Variants in DYNAP observed in about 807,000 individuals in gnomAD.
DYNAP encodes dynactin-associated protein.
A neutral mutation model predicts 8.5 loss-of-function variants in DYNAP; 7 were observed. The observed-to-expected ratio is 0.82, with a 90% confidence interval of 0.47 to 1.54. The LOEUF (loss-of-function observed/expected upper bound fraction) is 1.54. Ranked by LOEUF, DYNAP falls within the 40% of genes most tolerant of loss-of-function variation. The pLI, the probability that DYNAP is intolerant of heterozygous loss-of-function variation, is 0.01. For missense variants in DYNAP, 256 were observed against 224.3 expected (o/e 1.14, Z -0.90); for synonymous variants, 77 against 77.9 (o/e 0.99, Z 0.06).
At chr18:54,588,346 C>T (rs142549277), upstream of DYNAP, among the ~76,000 whole-genome samples, 259 of 151,996 alleles carry the variant, frequency 1.7e-3, 3 homozygotes, top group African/African-American at 5.5e-3. Flanking sequence ...GCTGAGATTA[C>T]AGGCATCCGT....
the DYNAP span, among the ~76,000 whole-genome samples, chr18:54,579,870 G>A: frequency 3.9e-5 from 6 of 152,134 alleles, no homozygotes; most frequent in South Asian, 1.2e-3. Flanking sequence ...CCTTTTCTTG[G>A]GTTAGTAGTA....
intron 1 of DYNAP, 141 bp from the exon 2 acceptor site, chr18:54,594,798 T>A: frequency 1.1e-6 from 1 of 905,832 alleles, no homozygotes; most frequent in Non-Finnish European, 1.6e-6. Context: ...TGTCTAGATT[T>A]TTTTATCTTC....
chr18:54,585,830 G>T (rs887467006), upstream of DYNAP, among the ~76,000 whole-genome samples: 3 of 152,032 alleles, frequency 2.0e-5, no homozygotes, highest in Non-Finnish European at 2.9e-5. Flanking sequence ...GTGAGCTCTC[G>T]TCTTTTACCA....
At chr18:54,597,332 A>T (rs1911336984) in intron 2 of DYNAP, among the ~76,000 whole-genome samples, 1 of 152,100 alleles carries the variant, frequency 6.6e-6, no homozygotes, top group Admixed American at 6.6e-5. Flanking sequence ...ATGTCATCAT[A>T]TAGTTGTCCA....
At chr18:54,578,882 C>T in the DYNAP span, among the ~76,000 whole-genome samples, 2 of 152,038 alleles carry the variant, frequency 1.3e-5, no homozygotes, top group African/African-American at 2.4e-5. Flanking sequence ...TCACTGCAAC[C>T]TCCGCCTCCT....
the DYNAP span, among the ~76,000 whole-genome samples, chr18:54,582,472 C>T: frequency 1.3e-5 from 2 of 152,156 alleles, no homozygotes; most frequent in Non-Finnish European, 2.9e-5. Context: ...AACTTTCCCC[C>T]AGACTTACAC....
chr18:54,587,233 G>A (rs962184303), upstream of DYNAP, among the ~76,000 whole-genome samples: 3 of 152,118 alleles, frequency 2.0e-5, no homozygotes, highest in Non-Finnish European at 4.4e-5. Flanking sequence ...AATAAGGAGG[G>A]ACGTAACTGT....
upstream of DYNAP, chr18:54,587,959 A>G (rs578177517): frequency 7.3e-5 from 29 of 398,662 alleles, no homozygotes; most frequent in African/African-American, 5.3e-4. Context: ...TTTATCATTT[A>G]TATTTATCAT....
intron 2 of DYNAP, among the ~76,000 whole-genome samples, chr18:54,595,382 G>A (rs1345053368): frequency 6.6e-6 from 1 of 152,112 alleles, no homozygotes; most frequent in Non-Finnish European, 1.5e-5. Flanking sequence ...AGGAATAAGT[G>A]TAAGGTGCAA....
At chr18:54,583,040 T>G (rs1910770744), upstream of DYNAP, among the ~76,000 whole-genome samples, 1 of 152,186 alleles carries the variant, frequency 6.6e-6, no homozygotes, top group African/African-American at 2.4e-5. Flanking sequence ...AGATATACAG[T>G]CTTCATCTTT....
At position 54,591,267 on chromosome 18, in the gene DYNAP, T is replaced by C. The variant is rs1911062195; in HGVS notation, c.-16T>C. 6.2e-7 allele frequency: 1 copy of C among 1,612,970 alleles called. No homozygotes were observed. The highest frequency in any genetic ancestry group is 8.5e-7 in the Non-Finnish European group (1 of 1,179,290). On this transcript the variant is annotated 5_prime_UTR_variant, in exon 1 of 3. Coordinates refer to ENST00000648945, the MANE Select transcript of DYNAP (RefSeq NM_173629.3). ...AATATTCTTGGAGAGAAGCTTGTGA[T>C]ACTGGCAGCTCAAGAATGGACAGAA...
At chr18:54,588,120 T>C (rs769731724), upstream of DYNAP, among the ~76,000 whole-genome samples, 8 of 152,196 alleles carry the variant, frequency 5.3e-5, no homozygotes, top group Non-Finnish European at 1.0e-4. Flanking sequence ...AGCAGAGGTC[T>C]TGTCTGTCTT....
chr18:54,594,331 T>C (rs1911198613), intron 1 of DYNAP, among the ~76,000 whole-genome samples: 1 of 152,096 alleles, frequency 6.6e-6, no homozygotes, highest in Non-Finnish European at 1.5e-5. Context: ...GGATAGAGCA[T>C]GGTATGAATT....
At chr18:54,588,630 TG>T (rs1276017620), upstream of DYNAP, among the ~76,000 whole-genome samples, 1 of 152,220 alleles carries the variant, frequency 6.6e-6, no homozygotes, top group Non-Finnish European at 1.5e-5. Flanking sequence ...GTTTTCCTCC[TG>T]AAGTTTCTAT....
upstream of DYNAP, among the ~76,000 whole-genome samples, chr18:54,583,880 A>C (rs1185767876): frequency 6.6e-6 from 1 of 152,182 alleles, no homozygotes; most frequent in Non-Finnish European, 1.5e-5. Flanking sequence ...AATAGCTTGG[A>C]ATACAGATAA....
At chr18:54,576,692 A>C in the DYNAP span, among the ~76,000 whole-genome samples, 1 of 151,782 alleles carries the variant, frequency 6.6e-6, no homozygotes, top group South Asian at 2.1e-4. Context: ...GGTGTCAGCT[A>C]TTCGGGAGGC....
rs1331210288 is a variant in DYNAP at position 54,597,926 on chromosome 18, C to A, written c.336C>A (p.Asn112Lys). The change falls in exon 3 of 3, where the codon AAC (asparagine) becomes AAA (lysine). Residue 112 changes from asparagine to lysine, a missense_variant. Physicochemically the swap from Asn to Lys is moderately conservative, Grantham distance 94 (BLOSUM62 0). Coordinates refer to ENST00000648945, the MANE Select transcript of DYNAP (RefSeq NM_173629.3). ...TACTTATAATATGCTTGGTGAATAA[C>A]AAAGGATCGGCCAATTCCTCCATTG... ...IGVLIICLVN[N>K]KGSANSSIVI... 1 of 1,613,542 alleles carries A rather than the reference C, an allele frequency of 6.2e-7. No homozygotes were observed. Among genetic ancestry groups the A allele is most frequent in the Admixed American group, 1.7e-5 (1 of 59,906 alleles).
upstream of DYNAP, chr18:54,587,639 G>A (rs2144882885): frequency 2.7e-6 from 1 of 370,666 alleles, no homozygotes; most frequent in East Asian, 3.9e-5. Flanking sequence ...ATAAATTTAT[G>A]CCAAACATAC....
At chr18:54,591,619 A>G (rs1028764852) in intron 1 of DYNAP, among the ~76,000 whole-genome samples, 5 of 152,130 alleles carry the variant, frequency 3.3e-5, no homozygotes, top group African/African-American at 1.2e-4. Flanking sequence ...TTAACTTTCT[A>G]TATTCACCTT....
Sources: allele counts gnomAD v4.1 joint callset (sites outside exome capture counted in the v4.1 genomes callset), GRCh38; gene constraint gnomAD v4.1.1; transcripts MANE v1.5; gene names NCBI Gene and HGNC (gene_info 2026-07-23, HGNC 2026-07-21).